The following SLC35F3 variants were observed in gnomAD, a reference collection of about 807,000 sequenced individuals.
SLC35F3 encodes the protein solute carrier family 35 member F3.
In SLC35F3, 25 loss-of-function variants were observed where a neutral mutation model predicts 49.9. The observed-to-expected ratio is 0.50, with a 90% CI of 0.37 to 0.70. The LOEUF is 0.70. SLC35F3 is among the 30% of genes least tolerant of loss of function. The pLI, the probability that SLC35F3 is intolerant of heterozygous loss-of-function variation, is 0.00. For synonymous variants in SLC35F3, 275 were observed against 265.4 expected (o/e 1.04, Z -0.35); for missense variants, 525 against 639.8 (o/e 0.82, Z 1.94).
At chr1:234,153,739 G>A (rs1020114871) in intron 2 of SLC35F3, among the ~76,000 whole-genome samples, 4 of 152,056 alleles carry the variant, frequency 2.6e-5, no homozygotes, top group African/African-American at 9.7e-5. Flanking sequence ...CCAGCCATGG[G>A]CAACATGGCA....
chr1:234,171,459 G>A (rs559453194), intron 2 of SLC35F3, among the ~76,000 whole-genome samples: 6 of 152,174 alleles, frequency 3.9e-5, no homozygotes, highest in Non-Finnish European at 5.9e-5. Context: ...TTACACAGAG[G>A]GGGGTGTCTG....
At chr1:234,092,608 C>G (rs776139962) in intron 2 of SLC35F3, among the ~76,000 whole-genome samples, 1 of 152,214 alleles carries the variant, frequency 6.6e-6, no homozygotes, top group Non-Finnish European at 1.5e-5. Flanking sequence ...CAGTTCACAC[C>G]TGTAATCTCA....
chr1:234,006,931 A>T (rs1572017110), intron 2 of SLC35F3, among the ~76,000 whole-genome samples: 1 of 152,124 alleles, frequency 6.6e-6, no homozygotes, highest in Admixed American at 6.6e-5. Context: ...TTTATTCTAG[A>T]CCAGCGGTTG....
At chr1:234,015,396 T>A (rs1377366346) in intron 2 of SLC35F3, among the ~76,000 whole-genome samples, 1 of 151,094 alleles carries the variant, frequency 6.6e-6, no homozygotes, top group Admixed American at 6.6e-5. Context: ...TCACACTACT[T>A]GATTTCTAAC....
chr1:234,248,276 CTGGTCCATTGTTTGGTGGGTTGGTTGGT>C (rs1558273025), intron 3 of SLC35F3, among the ~76,000 whole-genome samples: 2 of 124,236 alleles, frequency 1.6e-5, no homozygotes, highest in Non-Finnish European at 3.4e-5. Flanking sequence ...GGTCAGTTGG[CTGGTCCATTGTTTGGTGGGTTGGTTGGT>C]TGGTCCATTG....
intron 2 of SLC35F3, among the ~76,000 whole-genome samples, chr1:234,108,310 T>A (rs1427658907): frequency 1.6e-5 from 2 of 124,948 alleles, no homozygotes; most frequent in Admixed American, 9.7e-5. Flanking sequence ...TATATTTATA[T>A]ATATAAAAGA....
chr1:233,905,203 G>T, intron 1 of SLC35F3, 73 bp downstream of exon 1: 3 of 1,491,704 alleles, frequency 2.0e-6, no homozygotes, highest in Non-Finnish European at 1.8e-6. Context: ...GCCCTTTGCA[G>T]CTGGGACACT....
At chr1:234,174,658 A>T (rs962511758) in intron 2 of SLC35F3, among the ~76,000 whole-genome samples, 4 of 152,194 alleles carry the variant, frequency 2.6e-5, no homozygotes, top group African/African-American at 9.7e-5. Flanking sequence ...GTGTGTGCAT[A>T]AACACACTCT....
At chr1:233,982,226 T>A (rs1237753611) in intron 2 of SLC35F3, among the ~76,000 whole-genome samples, 1 of 152,226 alleles carries the variant, frequency 6.6e-6, no homozygotes, top group Non-Finnish European at 1.5e-5. Flanking sequence ...CGCCCAGCTG[T>A]GATGTTGAAC....
intron 2 of SLC35F3, among the ~76,000 whole-genome samples, chr1:233,918,970 A>G (rs1453843047): frequency 6.6e-6 from 1 of 152,194 alleles, no homozygotes; most frequent in Non-Finnish European, 1.5e-5. Flanking sequence ...CAACAAAAGT[A>G]CACACAGATA....
intron 2 of SLC35F3, among the ~76,000 whole-genome samples, chr1:233,927,470 C>T (rs2102791524): frequency 6.6e-6 from 1 of 152,174 alleles, no homozygotes; most frequent in East Asian, 1.9e-4. Context: ...CTCATTCTAG[C>T]AGTAATACTC....
At chr1:234,194,215 CATCA>C (rs1305212486) in intron 2 of SLC35F3, among the ~76,000 whole-genome samples, 3 of 152,182 alleles carry the variant, frequency 2.0e-5, no homozygotes, top group African/African-American at 7.2e-5. Flanking sequence ...CCCTAATGCT[CATCA>C]ATCAATGAGT....
chr1:234,242,236 A>G (rs1667564543), intron 3 of SLC35F3, among the ~76,000 whole-genome samples: 1 of 152,216 alleles, frequency 6.6e-6, no homozygotes, highest in South Asian at 2.1e-4. Flanking sequence ...TCAAGCATGA[A>G]CCAGAACAGA....
chr1:234,249,291 T>G (rs1377950186), intron 3 of SLC35F3, among the ~76,000 whole-genome samples: 1 of 152,162 alleles, frequency 6.6e-6, no homozygotes, highest in Non-Finnish European at 1.5e-5. Context: ...TACACATATC[T>G]AGCTTCTTTC....
chr1:234,119,729 AG>A (rs1462705161), intron 2 of SLC35F3, among the ~76,000 whole-genome samples: 1 of 152,210 alleles, frequency 6.6e-6, no homozygotes, highest in African/African-American at 2.4e-5. Flanking sequence ...AGCTAGTATT[AG>A]GGGTGGGGAA....
At chr1:234,003,809 C>T (rs189102599) in intron 2 of SLC35F3, among the ~76,000 whole-genome samples, 2 of 152,138 alleles carry the variant, frequency 1.3e-5, no homozygotes, top group South Asian at 2.1e-4. Flanking sequence ...TGCAAGCATT[C>T]GGTTCACAAA....
At chr1:234,192,296 C>T (rs984579204) in intron 2 of SLC35F3, among the ~76,000 whole-genome samples, 2 of 152,116 alleles carry the variant, frequency 1.3e-5, no homozygotes, top group Non-Finnish European at 2.9e-5. Context: ...GATGGTTTAA[C>T]ATATGCAAGT....
intron 2 of SLC35F3, among the ~76,000 whole-genome samples, chr1:233,965,769 A>G (rs1467866192): frequency 2.0e-5 from 3 of 152,224 alleles, no homozygotes; most frequent in African/African-American, 4.8e-5. Context: ...CAGAAGACCC[A>G]GTAAAGTTGT....
intron 2 of SLC35F3, among the ~76,000 whole-genome samples, chr1:234,157,841 T>C (rs1666175643): frequency 6.6e-6 from 1 of 152,250 alleles, no homozygotes; most frequent in African/African-American, 2.4e-5. Flanking sequence ...AATAACTCTG[T>C]TGAAAGGAGG....
Sources: allele counts gnomAD v4.1 joint callset (sites outside exome capture counted in the v4.1 genomes callset), GRCh38; gene constraint gnomAD v4.1.1; transcripts MANE v1.5; gene names NCBI Gene and HGNC (gene_info 2026-07-23, HGNC 2026-07-21).